The following ABR variants were observed in gnomAD, a reference collection of about 807,000 sequenced individuals.
ABR encodes active breakpoint cluster region-related protein.
In ABR, 35 loss-of-function variants were observed where a neutral mutation model predicts 107.2. That is an observed-to-expected ratio of 0.33 (90% CI 0.25 to 0.43). The LOEUF (loss-of-function observed/expected upper bound fraction) is 0.43, where lower values mean the gene tolerates loss of function less well. ABR is among the 20% of genes least tolerant of loss of function. ABR has a pLI of 1.00. For missense variants in ABR, 815 were observed against 1,115.2 expected (o/e 0.73, Z 3.83); for synonymous variants, 498 against 462.0 (o/e 1.08, Z -1.00).
At chr17:1,222,620 A>G (rs1442520486) in intron 1 of ABR, among the ~76,000 whole-genome samples, 1 of 152,200 alleles carries the variant, frequency 6.6e-6, no homozygotes, top group Non-Finnish European at 1.5e-5. Context: ...TTAAAAATAA[A>G]AAGTCTCAGG....
At chr17:1,168,179 G>A (rs1338709376) in intron 1 of ABR, among the ~76,000 whole-genome samples, 7 of 152,158 alleles carry the variant, frequency 4.6e-5, no homozygotes, top group Non-Finnish European at 8.8e-5. Flanking sequence ...CCAGCTACTC[G>A]GGAGGCTGAG....
At chr17:1,118,021 C>A (rs2039117043) in intron 2 of ABR, among the ~76,000 whole-genome samples, 1 of 65,640 alleles carries the variant, frequency 1.5e-5, no homozygotes, top group Non-Finnish European at 3.5e-5. Flanking sequence ...TGAGTTCTCC[C>A]CAGCGTTATC....
chr17:1,226,760 G>GTA (rs35644490), intron 1 of ABR, among the ~76,000 whole-genome samples: 67,401 of 151,058 alleles, frequency 0.45, 15,418 homozygotes, highest in Middle Eastern at 0.5. Flanking sequence ...TGCTGTGCGT[G>GTA]TGTGTGCATG....
intron 1 of ABR, among the ~76,000 whole-genome samples, chr17:1,159,835 G>T (rs1425919924): frequency 6.6e-6 from 1 of 152,244 alleles, no homozygotes; most frequent in Non-Finnish European, 1.5e-5. Context: ...TCCCTTCCAC[G>T]TCCTTGGTCG....
At chr17:1,087,902 G>A (rs2036727779) in intron 4 of ABR, among the ~76,000 whole-genome samples, 2 of 152,196 alleles carry the variant, frequency 1.3e-5, no homozygotes, top group Non-Finnish European at 2.9e-5. Context: ...TAGGGCCCGA[G>A]GCCTGGCTTG....
intron 1 of ABR, among the ~76,000 whole-genome samples, chr17:1,127,754 C>A (rs2039661502): frequency 6.6e-6 from 1 of 152,074 alleles, no homozygotes; most frequent in Non-Finnish European, 1.5e-5. Context: ...AGGAATGGAC[C>A]CCACACACTT....
intron 16 of ABR, among the ~76,000 whole-genome samples, chr17:1,049,088 G>A (rs2032117105): frequency 6.6e-6 from 1 of 152,176 alleles, no homozygotes; most frequent in Non-Finnish European, 1.5e-5. Flanking sequence ...TTGGCAGAAT[G>A]TTTCAGAGAC....
intron 16 of ABR, among the ~76,000 whole-genome samples, chr17:1,013,774 T>C (rs533969123): frequency 2.0e-5 from 3 of 152,314 alleles, no homozygotes; most frequent in Admixed American, 6.5e-5. Flanking sequence ...GGTCAAGCCA[T>C]TGGCTCCCAA....
At position 1,070,040 on chromosome 17, in the gene ABR, G is replaced by A. The variant is rs1280503126; in HGVS notation, c.945C>T (p.Ser315=). ...DGFLVEVSES[S]RKLRHVFLFT... The stretch of plus-strand genomic sequence containing the variant: ...AGAGGAAGACGTGCCGCAGCTTCCG[G>A]GAGCTCTCTGACACTTCCACCAGGA... The change falls in exon 9 of 23, where the codon TCC becomes TCT. Residue 315 remains serine (S), a synonymous_variant. Transcript: ENST00000302538. This position sits in a 1 kb window ranked among gnomAD's most constrained non-coding sequence, Gnocchi z 4.2. 1 of 1,613,716 alleles carries A rather than the reference G, an allele frequency of 6.2e-7. No homozygotes were observed. The highest frequency in any genetic ancestry group is 2.2e-5 in the East Asian group (1 of 44,808).
chr17:1,108,551 T>G (rs2038413689), intron 2 of ABR, among the ~76,000 whole-genome samples: 1 of 152,260 alleles, frequency 6.6e-6, no homozygotes, highest in South Asian at 2.1e-4. Context: ...TTGCCTCAGC[T>G]CGGAGACACC....
chr17:1,183,276 C>G (rs1397572697), upstream of ABR, among the ~76,000 whole-genome samples: 1 of 152,164 alleles, frequency 6.6e-6, no homozygotes, highest in Non-Finnish European at 1.5e-5. Flanking sequence ...ATTCCCCAGA[C>G]AGTCCCTGGG....
upstream of ABR, among the ~76,000 whole-genome samples, chr17:1,184,283 G>A (rs1307450319): frequency 1.3e-5 from 2 of 152,094 alleles, no homozygotes; most frequent in East Asian, 1.9e-4. Flanking sequence ...GGGAAACCCC[G>A]TCCCTACTAA....
At chr17:1,048,135 G>A (rs1181394778) in intron 16 of ABR, among the ~76,000 whole-genome samples, 1 of 152,224 alleles carries the variant, frequency 6.6e-6, no homozygotes, top group Admixed American at 6.5e-5. Flanking sequence ...CCCACAGAGA[G>A]CAGGTCCCAG....
rs182144609 is a variant in ABR at position 1,150,882 on chromosome 17, G to A, written c.62-25515C>T. ...GCCTCCCTCCCTTGCTGAGCTACTG[G>A]TGCGCGTATGTGTGCATATATATAC... On this transcript the variant is annotated intron_variant, in intron 1 of 22. Coordinates refer to ENST00000302538, the MANE Select transcript of ABR (RefSeq NM_021962.5). The surrounding 1 kb of genome is among the most constrained non-coding windows in gnomAD (Gnocchi z 4.8). 6.6e-6 allele frequency among the ~76,000 whole-genome samples: 1 copy of A among 152,252 alleles called. No individual in the cohort carries two copies. Among genetic ancestry groups the A allele is most frequent in the Non-Finnish European group, 1.5e-5 (1 of 68,018 alleles).
At chr17:1,141,554 G>A (rs1265466795) in intron 1 of ABR, among the ~76,000 whole-genome samples, 1 of 152,136 alleles carries the variant, frequency 6.6e-6, no homozygotes, top group East Asian at 1.9e-4. Context: ...CAAAGCTGGC[G>A]CTAACAAAAC....
intron 1 of ABR, among the ~76,000 whole-genome samples, chr17:1,193,878 T>C (rs1488177800): frequency 1.3e-5 from 2 of 151,786 alleles, no homozygotes; most frequent in East Asian, 2.0e-4. Context: ...GTATTTTTAA[T>C]AGAGACGGGG....
At chr17:1,101,964 A>G (rs1214722289) in intron 2 of ABR, among the ~76,000 whole-genome samples, 1 of 151,944 alleles carries the variant, frequency 6.6e-6, no homozygotes, top group African/African-American at 2.4e-5. Context: ...CGATCTCCTG[A>G]CCTCGTGATC....
intron 1 of ABR, among the ~76,000 whole-genome samples, chr17:1,173,890 C>A (rs762601349): frequency 1.4e-4 from 22 of 152,238 alleles, no homozygotes; most frequent in Non-Finnish European, 2.5e-4. Flanking sequence ...ATGAGGAGCG[C>A]AATGAGCTGG....
In ABR at chr17:1,179,424, T is replaced by C. The variant is rs935305800; in HGVS notation, c.61+243A>G. Among the ~76,000 whole-genome samples, 2 of 151,022 alleles carry C rather than the reference T, an allele frequency of 1.3e-5. No individual in the cohort carries two copies. The highest frequency in any genetic ancestry group is 2.0e-4 in the East Asian group (1 of 5,068). On this transcript the variant is annotated intron_variant, in intron 1 of 22. Coordinates refer to ENST00000302538, the MANE Select transcript of ABR (RefSeq NM_021962.5). This position sits in a 1 kb window ranked among gnomAD's most constrained non-coding sequence, Gnocchi z 4.9. Reference sequence around the variant, plus strand: ...CCGCCCCCGGACCGCAGGAATCCTCTCTGGGGACCCCCCGCCCGCGCCCCC... The same window carrying C: ...CCGCCCCCGGACCGCAGGAATCCTCCCTGGGGACCCCCCGCCCGCGCCCCC...
Sources: gnomAD v4.1 joint callset for allele counts (sites outside exome capture counted in the v4.1 genomes callset) on GRCh38, gnomAD v4.1.1 for gene constraint, Gnocchi (gnomAD v3.1) non-coding constraint, MANE v1.5 for transcripts, NCBI Gene and HGNC (gene_info 2026-07-23, HGNC 2026-07-21) for gene names.